The following SND1 variants were observed in gnomAD, a reference collection of about 807,000 sequenced individuals.
SND1 encodes the protein staphylococcal nuclease and tudor domain containing 1, also known as staphylococcal nuclease domain-containing protein 1.
Under a neutral mutation model 121.7 loss-of-function variants are expected in SND1, and 38 were observed. The ratio of observed to expected loss-of-function variants is 0.31; its 90% CI spans 0.24 to 0.41. SND1 has a LOEUF of 0.41. Among genes scored for constraint, SND1 ranks in the 10% least tolerant of loss-of-function variants. The pLI, the probability that SND1 is intolerant of heterozygous loss-of-function variation, is 1.00. For missense variants in SND1, 868 were observed against 1,184.6 expected, an observed-to-expected ratio of 0.73 and a Z score of 3.92; for synonymous variants, 401 against 447.4, an observed-to-expected ratio of 0.90 and a Z score of 1.31.
intron 16 of SND1, among the ~76,000 whole-genome samples, chr7:128,033,184 T>C (rs967847900): frequency 1.3e-5 from 2 of 151,760 alleles, no homozygotes; most frequent in African/African-American, 4.8e-5. Flanking sequence ...GGAGTGGGGG[T>C]GGAATTCTTG....
intron 10 of SND1, among the ~76,000 whole-genome samples, chr7:127,729,754 G>T (rs991755806): frequency 2.0e-5 from 3 of 152,172 alleles, no homozygotes; most frequent in Non-Finnish European, 4.4e-5. Context: ...CTGGATGATG[G>T]ATTATGGATG....
At chr7:128,063,445 A>G (rs1468554275) in intron 16 of SND1, among the ~76,000 whole-genome samples, 3 of 152,164 alleles carry the variant, frequency 2.0e-5, no homozygotes, top group Non-Finnish European at 4.4e-5. Context: ...TTGTCGTGGC[A>G]GGGGCAGCTG....
At chr7:128,060,236 C>T (rs531089813) in intron 16 of SND1, among the ~76,000 whole-genome samples, 3 of 152,220 alleles carry the variant, frequency 2.0e-5, no homozygotes, top group African/African-American at 7.2e-5. Flanking sequence ...GGAACTGCAG[C>T]TTGTCTGGCC....
chr7:127,891,099 C>T (rs923278923), intron 13 of SND1, among the ~76,000 whole-genome samples: 8 of 152,030 alleles, frequency 5.3e-5, no homozygotes, highest in East Asian at 3.9e-4. Flanking sequence ...GCCATCTTCT[C>T]GATGCTAACC....
At chr7:127,837,787 G>A (rs930584621) in intron 11 of SND1, among the ~76,000 whole-genome samples, 7 of 152,206 alleles carry the variant, frequency 4.6e-5, no homozygotes, top group African/African-American at 1.7e-4. Context: ...ACTACATTAT[G>A]TAAATATTAA....
chr7:127,701,471 A>G, intron 5 of SND1, 148 bp downstream of exon 5: 1 of 766,104 alleles, frequency 1.3e-6, no homozygotes, highest in South Asian at 2.2e-5. Flanking sequence ...ACAGCACCTT[A>G]GTATTTCAGA....
intron 17 of SND1, among the ~76,000 whole-genome samples, chr7:128,077,880 G>T (rs1247919104): frequency 2.6e-5 from 4 of 152,234 alleles, no homozygotes; most frequent in Non-Finnish European, 5.9e-5. Flanking sequence ...CTGGGGTAGA[G>T]CCATACAGCA....
chr7:127,666,833 C>T (rs774383016), intron 1 of SND1, among the ~76,000 whole-genome samples: 2 of 152,080 alleles, frequency 1.3e-5, no homozygotes, highest in South Asian at 2.1e-4. Context: ...ACACTGGCAT[C>T]GTGGTGGGGA....
chr7:127,749,932 C>T lies in SND1; in HGVS notation c.1152+28532C>T, dbSNP rs576068434. Among the ~76,000 whole-genome samples the T allele has an allele frequency of 4.6e-5, 7 of 152,254 alleles. No individual in the cohort carries two copies. The South Asian group carries it at 1.2e-3, about 27-fold the overall frequency. On this transcript the variant is annotated intron_variant, in intron 10 of 23. Transcript: ENST00000354725. ...GACCAACTTGGACAACATAGTGAGACCGCATTTCCACACACATAGACGCCA... is the reference window on the plus strand; with the variant it reads ...GACCAACTTGGACAACATAGTGAGATCGCATTTCCACACACATAGACGCCA...
chr7:127,994,052 C>G (rs1239671167), intron 16 of SND1, among the ~76,000 whole-genome samples: 1 of 152,206 alleles, frequency 6.6e-6, no homozygotes. Context: ...ATTGTCCTGG[C>G]TTTTGGTGGG....
At chr7:127,655,033 T>C (rs747207447) in intron 1 of SND1, among the ~76,000 whole-genome samples, 2 of 152,194 alleles carry the variant, frequency 1.3e-5, no homozygotes, top group South Asian at 4.1e-4. Flanking sequence ...GTTTGATGAA[T>C]AGGAAAACAG....
intron 1 of SND1, among the ~76,000 whole-genome samples, chr7:127,665,348 G>C (rs770250577): frequency 1.3e-5 from 2 of 151,786 alleles, no homozygotes; most frequent in Non-Finnish European, 2.9e-5. Context: ...CACCACGCCC[G>C]GCCAATTTTT....
At chr7:127,815,450 A>G (rs1798420912) in intron 11 of SND1, among the ~76,000 whole-genome samples, 1 of 152,080 alleles carries the variant, frequency 6.6e-6, no homozygotes. Flanking sequence ...TGATCATGCC[A>G]CTGGACTCTA....
At chr7:127,818,885 T>A (rs1798496194) in intron 11 of SND1, among the ~76,000 whole-genome samples, 1 of 152,210 alleles carries the variant, frequency 6.6e-6, no homozygotes, top group Non-Finnish European at 1.5e-5. Flanking sequence ...GGTCTTTGAT[T>A]AGAAGTTTAG....
chr7:127,788,397 A>G (rs1797851011), intron 10 of SND1, among the ~76,000 whole-genome samples: 1 of 152,230 alleles, frequency 6.6e-6, no homozygotes, highest in Non-Finnish European at 1.5e-5. Context: ...TGAATCATTC[A>G]TAATCCAGTC....
At chr7:127,992,896 T>A (rs996098674) in intron 16 of SND1, among the ~76,000 whole-genome samples, 2 of 152,218 alleles carry the variant, frequency 1.3e-5, no homozygotes, top group South Asian at 2.1e-4. Context: ...TTGAAAAAGA[T>A]TAAAATTTTC....
At chr7:127,957,611 G>A (rs184417940) in intron 15 of SND1, among the ~76,000 whole-genome samples, 90 of 152,228 alleles carry the variant, frequency 5.9e-4, no homozygotes, top group Admixed American at 1.5e-3. Context: ...ACATATTCTG[G>A]GTCTTCCAGA....
intron 11 of SND1, among the ~76,000 whole-genome samples, chr7:127,808,520 C>T (rs558176323): frequency 6.6e-6 from 1 of 152,134 alleles, no homozygotes; most frequent in Non-Finnish European, 1.5e-5. Flanking sequence ...ATGGTGTATC[C>T]TAATTATAAA....
rs939954546 is a variant in SND1, at chr7:127,802,256, A to C, written c.1153-5228A>C. On this transcript the variant is annotated intron_variant, in intron 10 of 23. Transcript: ENST00000354725. Reference sequence around the variant, plus strand: ...ATGGCAGGGGCAGGAGAAAATCCAGATGTAAGTGGGCCTGCACAGTTTAAA... The same window carrying C: ...ATGGCAGGGGCAGGAGAAAATCCAGCTGTAAGTGGGCCTGCACAGTTTAAA... Among the ~76,000 whole-genome samples, 9 of 152,122 alleles carry C rather than the reference A, an allele frequency of 5.9e-5. 1 individual carries two copies. Among genetic ancestry groups the C allele is most frequent in the Admixed American group, 5.9e-4 (9 of 15,278 alleles).
Sources: gnomAD v4.1 joint callset for allele counts (sites outside exome capture counted in the v4.1 genomes callset) on GRCh38, gnomAD v4.1.1 for gene constraint, MANE v1.5 for transcripts, NCBI Gene and HGNC (gene_info 2026-07-23, HGNC 2026-07-21) for gene names.